Variants in CENPE observed in about 807,000 individuals in gnomAD.
The protein encoded by CENPE is centromere protein E.
A neutral mutation model predicts 336.1 loss-of-function variants in CENPE; 145 were observed. The ratio of observed to expected loss-of-function variants is 0.43; its 90% CI spans 0.38 to 0.50. The LOEUF (loss-of-function observed/expected upper bound fraction) is 0.50, where lower values mean the gene tolerates loss of function less well. Among genes scored for constraint, CENPE ranks in the 20% least tolerant of loss-of-function variants. The probability of loss-of-function intolerance (pLI) is 0.00; values close to 1 mark genes in which losing one functional copy is unlikely to be tolerated. For missense variants in CENPE, 2,719 were observed against 3,023.3 expected (o/e 0.90, Z 2.36); for synonymous variants, 1,013 against 984.8 (o/e 1.03, Z -0.54).
chr4:103,161,540 T>TA (rs1374072880), intron 18 of CENPE, 83 bp from the exon 19 acceptor site: 39 of 1,194,812 alleles, frequency 3.3e-5, no homozygotes, highest in Non-Finnish European at 2.2e-5. Flanking sequence ...ATATAAATGT[T>TA]AACTCTAGCT....
In CENPE at chr4:103,106,134, TA is replaced by T; in HGVS notation, c.*87del. On this transcript the variant is annotated 3_prime_UTR_variant, in exon 49 of 49. Coordinates refer to ENST00000265148, the MANE Select transcript of CENPE (RefSeq NM_001813.3). ...AGACTGAATTGAAATTAAGCTGCAC[TA>T]CAACATCATTACCAGGGATAGACAC... 3 of 799,758 alleles carry T rather than the reference TA, an allele frequency of 3.8e-6. No homozygotes were observed. The East Asian group carries it at 8.5e-5, about 23-fold the overall frequency. The allele number at this position is 799,758 out of a possible 1,614,324, so 49.5% of individuals were successfully genotyped here.
intron 42 of CENPE, among the ~76,000 whole-genome samples, chr4:103,130,573 A>G (rs906973741): frequency 6.6e-6 from 1 of 152,196 alleles, no homozygotes; most frequent in African/African-American, 2.4e-5. Context: ...GATATTGTCA[A>G]GATGTCAGTT....
chr4:103,185,876 A>C lies in CENPE; in HGVS notation c.694-15T>G. 1 of 1,585,532 alleles carries C rather than the reference A, an allele frequency of 6.3e-7. No homozygotes were observed. Among genetic ancestry groups the C allele is most frequent in the South Asian group, 1.1e-5 (1 of 88,268 alleles). On this transcript the variant is annotated splice_polypyrimidine_tract_variant and intron_variant, in intron 8 of 48. Coordinates refer to ENST00000265148, the MANE Select transcript of CENPE (RefSeq NM_001813.3). ...TCAACCAAATTCTGTAAGATAGATAAAAATAAATCCTTAGGGCAGATAATT... is the reference window on the plus strand; with the variant it reads ...TCAACCAAATTCTGTAAGATAGATACAAATAAATCCTTAGGGCAGATAATT...
At position 103,153,380 on chromosome 4, in the gene CENPE, C is replaced by T; in HGVS notation, c.3034-130G>A. The T allele has an allele frequency of 2.2e-5, 14 of 631,138 alleles. 1 individual carries two copies. The South Asian group carries it at 2.7e-4, about 12-fold the overall frequency. 39.1% of individuals were successfully genotyped at this position (631,138 alleles called of 1,614,324 possible). A position where few individuals can be genotyped will look rare whatever the true frequency, so the allele number is the denominator to read the frequency against. On this transcript the variant is annotated intron_variant, in intron 24 of 48. Transcript: ENST00000265148. ...CATATCTTAACACATTTAATCTTGA[C>T]AGTAACTTTATGAGGTAGGTATTAC...
intron 42 of CENPE, 103 bp from the exon 43 acceptor site, chr4:103,123,192 G>A: frequency 2.4e-6 from 2 of 826,830 alleles, no homozygotes; most frequent in Non-Finnish European, 3.9e-6. Context: ...TCAGTCAAAA[G>A]TGGTCTGAAA....
chr4:103,160,987 T>A (rs1754393540), intron 20 of CENPE, 99 bp downstream of exon 20: 6 of 1,081,808 alleles, frequency 5.5e-6, no homozygotes, highest in Non-Finnish European at 7.8e-6. Flanking sequence ...AGTCAGAGTA[T>A]AATGAATTTT....
Position 103,122,870 on chromosome 4 carries a change from C to T in CENPE, c.7143+1G>A. 6.2e-7 allele frequency: 1 copy of T among 1,603,556 alleles called. No individual in the cohort carries two copies. The highest frequency in any genetic ancestry group is 1.1e-5 in the South Asian group (1 of 90,736). ...AGAACATTTTATAAGAAATTATATA[C>T]CTCTGTGGTTAACTGTGTAGCTCTT... On this transcript the variant is annotated splice_donor_variant, in intron 43 of 48. Transcript: ENST00000265148. LOFTEE classifies it high-confidence loss of function.
rs1752448791 is a variant in CENPE at position 103,140,429 on chromosome 4, GA to G, written c.5755-16del. ...ATTTCCAGATCCTTTATGGTTAGAAGAAATCAAGAAATGTAATGATATAAAG... is the reference window on the plus strand; with the variant it reads ...ATTTCCAGATCCTTTATGGTTAGAAGAATCAAGAAATGTAATGATATAAAG... On this transcript the variant is annotated splice_polypyrimidine_tract_variant and intron_variant, in intron 36 of 48. Transcript: ENST00000265148. 3 of 1,519,620 alleles carry G rather than the reference GA, an allele frequency of 2.0e-6. No homozygotes were observed. The highest frequency in any genetic ancestry group is 2.7e-6 in the Non-Finnish European group (3 of 1,129,332). 94.1% of individuals were successfully genotyped at this position (1,519,620 alleles called of 1,614,324 possible).
chr4:103,131,789 C>A (rs1179596378), intron 42 of CENPE, among the ~76,000 whole-genome samples: 1 of 152,032 alleles, frequency 6.6e-6, no homozygotes, highest in Non-Finnish European at 1.5e-5. Context: ...AGCTATGAAA[C>A]CATGAAAAGA....
intron 42 of CENPE, among the ~76,000 whole-genome samples, chr4:103,127,944 G>A (rs947865536): frequency 2.0e-5 from 3 of 152,016 alleles, no homozygotes; most frequent in Middle Eastern, 3.2e-3. Flanking sequence ...CACCTTAAAC[G>A]TCAATGGTCT....
At position 103,147,516 on chromosome 4, in the gene CENPE, C is replaced by G; in HGVS notation, c.3974G>C (p.Arg1325Thr). ...STTKDSTTLA[R>T]IEMERLRLNE... ...CAACCTGAGCCTTTCCATTTCTATT[C>G]TTGCCAGTGTTGTTGAGTCCTTGGT... The change falls in exon 29 of 49, where the codon AGA (arginine) becomes ACA (threonine). Residue 1325 changes from arginine (R) to threonine (T), a missense_variant. Around this residue, in one of 5 missense-constraint regions of CENPE, gnomAD observed 2,437 missense variants for 2,513.3 expected, o/e 0.97. Coordinates refer to ENST00000265148, the MANE Select transcript of CENPE (RefSeq NM_001813.3). 1 of 1,614,014 alleles carries G rather than the reference C, an allele frequency of 6.2e-7. No homozygotes were observed. The highest frequency in any genetic ancestry group is 8.5e-7 in the Non-Finnish European group (1 of 1,180,010).
chr4:103,180,236 C>A lies in CENPE; in HGVS notation c.1242+75G>T, dbSNP rs1756214126. The A allele has an allele frequency of 7.4e-6, 10 of 1,346,688 alleles. No homozygotes were observed. In the East Asian group the frequency reaches 2.3e-4, roughly 31 times the overall value. The allele number at this position is 1,346,688 out of a possible 1,614,324, so 83.4% of individuals were successfully genotyped here. A position where few individuals can be genotyped will look rare whatever the true frequency, so the allele number is the denominator to read the frequency against. On this transcript the variant is annotated intron_variant, in intron 13 of 48. Transcript: ENST00000265148. ...TGTATCAAAGGATAGAAAGTGCATACTATATAATAAACATATAGAAATACC... is the reference window on the plus strand; with the variant it reads ...TGTATCAAAGGATAGAAAGTGCATAATATATAATAAACATATAGAAATACC...
intron 13 of CENPE, among the ~76,000 whole-genome samples, chr4:103,179,345 A>C (rs1756141379): frequency 6.6e-6 from 1 of 152,198 alleles, no homozygotes; most frequent in East Asian, 1.9e-4. Context: ...AAAACATCAC[A>C]TTCAAATCCC....
Position 103,147,596 on chromosome 4 carries a change from G to C in CENPE, c.3894C>G (p.Val1298=). Residue 1298 remains valine, a synonymous_variant, in exon 29 of 49, where the codon GTC becomes GTG. Coordinates refer to ENST00000265148, the MANE Select transcript of CENPE (RefSeq NM_001813.3). The part of the protein sequence containing the change: ...EQELLPNVKE[V]SETQETMNEL... ...CATTCATTGTTTCCTGAGTCTCACT[G>C]ACTTCTTTCACATTAGGCAGTAACT... The C allele has an allele frequency of 1.2e-6, 2 of 1,613,582 alleles. No homozygotes were observed. Among genetic ancestry groups the C allele is most frequent in the Non-Finnish European group, 8.5e-7 (1 of 1,180,020 alleles).
At chr4:103,172,322 C>T (rs1755484270) in intron 16 of CENPE, among the ~76,000 whole-genome samples, 2 of 151,866 alleles carry the variant, frequency 1.3e-5, no homozygotes, top group Admixed American at 6.6e-5. Context: ...ATAAACATGA[C>T]ATACCGCATT....
At chr4:103,154,341 T>C (rs1262617818) in intron 24 of CENPE, among the ~76,000 whole-genome samples, 1 of 152,112 alleles carries the variant, frequency 6.6e-6, no homozygotes, top group Non-Finnish European at 1.5e-5. Flanking sequence ...AATTTATATG[T>C]GTGATTCTTT....
chr4:103,185,051 T>A (rs1479382645), intron 9 of CENPE, among the ~76,000 whole-genome samples: 1 of 152,146 alleles, frequency 6.6e-6, no homozygotes, highest in African/African-American at 2.4e-5. Flanking sequence ...ACACTTGTAA[T>A]CCCAGAACTT....
chr4:103,136,294 G>A lies in CENPE; in HGVS notation c.6369C>T (p.Asp2123=), dbSNP rs759915667. The A allele has an allele frequency of 6.2e-7, 1 of 1,613,128 alleles. No individual in the cohort carries two copies. Among genetic ancestry groups the A allele is most frequent in the Non-Finnish European group, 8.5e-7 (1 of 1,179,730 alleles). Residue 2123 remains aspartate, a synonymous_variant, in exon 40 of 49, where the codon GAC becomes GAT. Coordinates refer to ENST00000265148, the MANE Select transcript of CENPE (RefSeq NM_001813.3). The stretch of plus-strand genomic sequence containing the variant: ...TTTGGAATTCAATTTCCTTCTCCAA[G>A]TCAAGAGACAATCTATTCAAGCACT... ...HYECLNRLSL[D]LEKEIEFQKE... is the part of the protein sequence containing the mutation.
intron 8 of CENPE, among the ~76,000 whole-genome samples, chr4:103,193,121 G>C (rs1474013084): frequency 6.6e-6 from 1 of 151,986 alleles, no homozygotes; most frequent in East Asian, 1.9e-4. Flanking sequence ...AGGCTGGAGG[G>C]TTGGAACAGA....
Sources: allele counts gnomAD v4.1 joint callset (sites outside exome capture counted in the v4.1 genomes callset), GRCh38; gene constraint gnomAD v4.1.1; regional missense constraint gnomAD v4.1.1; transcripts MANE v1.5; gene names NCBI Gene and HGNC (gene_info 2026-07-23, HGNC 2026-07-21).